PTPRG: variants seen among roughly 807,000 people sequenced by gnomAD.
The protein encoded by PTPRG is receptor-type tyrosine-protein phosphatase gamma.
Under a neutral mutation model 165.3 loss-of-function variants are expected in PTPRG, and 102 were observed. That is an observed-to-expected ratio of 0.62 (90% CI 0.53 to 0.73). The LOEUF is 0.73. Ranked by LOEUF, PTPRG falls within the 30% of genes least tolerant of loss-of-function variation. PTPRG has a pLI of 0.00. For synonymous variants in PTPRG, 675 were observed against 669.5 expected (o/e 1.01, Z -0.13); for missense variants, 1,866 against 1,861.4 (o/e 1.00, Z -0.05).
At chr3:61,989,887 G>C in intron 3 of PTPRG, 83 bp downstream of exon 3, 1 of 1,479,612 alleles carries the variant, frequency 6.8e-7, no homozygotes, top group South Asian at 1.3e-5. Flanking sequence ...ACCATGACTT[G>C]CTCCTTAAAT....
At chr3:61,928,946 G>T (rs2039293296) in intron 2 of PTPRG, among the ~76,000 whole-genome samples, 1 of 152,162 alleles carries the variant, frequency 6.6e-6, no homozygotes, top group Non-Finnish European at 1.5e-5. Flanking sequence ...GACATGTGTG[G>T]TTGTCACAAC....
rs561298115 is a variant in PTPRG at position 61,588,394 on chromosome 3, T to A, written c.85+26022T>A. 1.7e-3 allele frequency among the ~76,000 whole-genome samples: 256 copies of A among 152,186 alleles called. 2 individuals are homozygous for A. Among genetic ancestry groups the A allele is most frequent in the Middle Eastern group, 3.4e-3 (1 of 294 alleles). ...AATTTAAGGATAATTTTTTTTTTTTTATCTTGAGACAGAGTCTTGCCCTGT... is the reference window on the plus strand; with the variant it reads ...AATTTAAGGATAATTTTTTTTTTTTAATCTTGAGACAGAGTCTTGCCCTGT... On this transcript the variant is annotated intron_variant, in intron 1 of 29. Transcript: ENST00000474889.
intron 2 of PTPRG, among the ~76,000 whole-genome samples, chr3:61,784,922 G>A (rs994542772): frequency 6.6e-6 from 1 of 152,152 alleles, no homozygotes; most frequent in Admixed American, 6.6e-5. Context: ...GTTGAAGGTC[G>A]TAACCCAGCA....
chr3:61,724,715 G>A (rs763841067), intron 1 of PTPRG, among the ~76,000 whole-genome samples: 7 of 151,882 alleles, frequency 4.6e-5, no homozygotes, highest in Non-Finnish European at 1.0e-4. Context: ...TCTCAGTGTG[G>A]TCCCAATTTT....
chr3:62,202,261 C>T (rs1334052910), intron 11 of PTPRG, among the ~76,000 whole-genome samples: 1 of 152,090 alleles, frequency 6.6e-6, no homozygotes, highest in Non-Finnish European at 1.5e-5. Context: ...AGACTTGAGC[C>T]CCAGTTTAGT....
At chr3:62,110,653 A>T (rs963054518) in intron 5 of PTPRG, among the ~76,000 whole-genome samples, 5 of 152,142 alleles carry the variant, frequency 3.3e-5, no homozygotes, top group Non-Finnish European at 7.3e-5. Context: ...TCCCATTAGC[A>T]TTTGTATTGC....
chr3:61,946,937 A>G (rs1407496346), intron 2 of PTPRG, among the ~76,000 whole-genome samples: 1 of 152,232 alleles, frequency 6.6e-6, no homozygotes, highest in African/African-American at 2.4e-5. Context: ...ATGAGAAATG[A>G]CAGCTCTTAT....
intron 2 of PTPRG, among the ~76,000 whole-genome samples, chr3:61,902,318 G>C (rs1022078903): frequency 2.6e-5 from 4 of 152,184 alleles, no homozygotes; most frequent in Non-Finnish European, 4.4e-5. Flanking sequence ...CCATTGTATG[G>C]TTCTTAATAC....
At chr3:61,745,439 C>G (rs2033160947) in intron 1 of PTPRG, among the ~76,000 whole-genome samples, 1 of 152,082 alleles carries the variant, frequency 6.6e-6, no homozygotes, top group Non-Finnish European at 1.5e-5. Context: ...TGCCTGTGCC[C>G]TATTTCCAGG....
chr3:61,680,233 A>G (rs1703384052), intron 1 of PTPRG, among the ~76,000 whole-genome samples: 1 of 152,092 alleles, frequency 6.6e-6, no homozygotes, highest in Admixed American at 6.5e-5. Flanking sequence ...CTCTCCAAAG[A>G]GTCCCTGTCC....
intron 28 of PTPRG, 55 bp from the exon 29 acceptor site, chr3:62,292,366 A>G (rs953013813): frequency 1.9e-6 from 3 of 1,542,282 alleles, no homozygotes; most frequent in African/African-American, 2.8e-5. Context: ...TTTCATTTCA[A>G]TATATTTGGT....
intron 2 of PTPRG, among the ~76,000 whole-genome samples, chr3:61,807,912 A>G (rs956790670): frequency 6.6e-6 from 1 of 152,176 alleles, no homozygotes; most frequent in African/African-American, 2.4e-5. Context: ...CAGAGCTAGG[A>G]GCACTCTGAC....
chr3:62,097,944 A>G (rs1283464796), intron 5 of PTPRG, among the ~76,000 whole-genome samples: 1 of 152,246 alleles, frequency 6.6e-6, no homozygotes, highest in Non-Finnish European at 1.5e-5. Flanking sequence ...TTAAAGCGGC[A>G]AGTATGTTAG....
chr3:61,614,181 G>A (rs552059163), intron 1 of PTPRG, among the ~76,000 whole-genome samples: 2 of 152,220 alleles, frequency 1.3e-5, no homozygotes, highest in South Asian at 4.2e-4. Context: ...AGCCTTCATG[G>A]CTGGGATGGT....
chr3:61,900,224 G>C (rs1417285641), intron 2 of PTPRG, among the ~76,000 whole-genome samples: 1 of 151,908 alleles, frequency 6.6e-6, no homozygotes, highest in African/African-American at 2.4e-5. Flanking sequence ...CTGTATCATC[G>C]TTAAAAAATA....
At chr3:62,164,980 T>A (rs1317586383) in intron 7 of PTPRG, among the ~76,000 whole-genome samples, 5 of 152,214 alleles carry the variant, frequency 3.3e-5, no homozygotes, top group African/African-American at 1.2e-4. Flanking sequence ...ATTCACGATG[T>A]ATGGCAGCCC....
intron 2 of PTPRG, among the ~76,000 whole-genome samples, chr3:61,802,085 A>G (rs112427877): frequency 0.013 from 1,913 of 151,870 alleles, 32 homozygotes; most frequent in African/African-American, 0.043. Context: ...AACTAGCTCC[A>G]TTATTTGTGC....
At chr3:61,747,865 A>G (rs1413718835) in intron 1 of PTPRG, among the ~76,000 whole-genome samples, 2 of 151,730 alleles carry the variant, frequency 1.3e-5, no homozygotes, top group East Asian at 3.9e-4. Flanking sequence ...CAGCTGGGGT[A>G]TATTGTTTGC....
chr3:61,671,845 G>A (rs567822342), intron 1 of PTPRG, among the ~76,000 whole-genome samples: 93 of 144,500 alleles, frequency 6.4e-4, no homozygotes, highest in Non-Finnish European at 1.1e-3. Flanking sequence ...AGGGGCGGCC[G>A]GGCAGAGGCG....
Sources: allele counts gnomAD v4.1 joint callset (sites outside exome capture counted in the v4.1 genomes callset), GRCh38; gene constraint gnomAD v4.1.1; transcripts MANE v1.5; gene names NCBI Gene and HGNC (gene_info 2026-07-23, HGNC 2026-07-21).